EDA: variants seen among roughly 807,000 people sequenced by gnomAD.
The protein encoded by EDA is ectodysplasin-A.
EDA carries 2 observed loss-of-function variants against 23.6 expected under a neutral mutation model. That is an observed-to-expected ratio of 0.08 (90% CI 0.03 to 0.27). The LOEUF (loss-of-function observed/expected upper bound fraction) is 0.27, where lower values mean the gene tolerates loss of function less well. Ranked by LOEUF, EDA falls within the 10% of genes least tolerant of loss-of-function variation. The pLI is 1.00. For missense variants in EDA, 229 were observed against 324.2 expected (o/e 0.71, Z 2.26); for synonymous variants, 131 against 132.0 (o/e 0.99, Z 0.05).
At chrX:69,869,884 G>C (rs1204617988) in intron 1 of EDA, among the ~76,000 whole-genome samples, 1 of 112,135 alleles carries the variant, frequency 8.9e-6, no homozygotes, top group Non-Finnish European at 1.9e-5. Context: ...CCCACCATTA[G>C]ATCTGACATA....
chrX:69,908,611 G>A (rs1422231164), intron 1 of EDA, among the ~76,000 whole-genome samples: 2 of 110,001 alleles, frequency 1.8e-5, no homozygotes, highest in Non-Finnish European at 3.8e-5. Context: ...GCATCTGGAG[G>A]AAGGTTTTAC....
chrX:69,919,426 G>T (rs192333532), intron 1 of EDA, among the ~76,000 whole-genome samples: 1 of 112,235 alleles, frequency 8.9e-6, no homozygotes, highest in Non-Finnish European at 1.9e-5. Flanking sequence ...TATAACATTA[G>T]TCTCATCCAG....
At chrX:69,712,971 C>A (rs193144337) in intron 1 of EDA, among the ~76,000 whole-genome samples, 46 of 105,603 alleles carry the variant, frequency 4.4e-4, no homozygotes, top group African/African-American at 1.3e-3. Flanking sequence ...GACAAAAAAA[C>A]CAAACAGTGC....
At chrX:69,620,251 T>C (rs1028493989) in intron 1 of EDA, among the ~76,000 whole-genome samples, 1 of 112,458 alleles carries the variant, frequency 8.9e-6, no homozygotes, top group Non-Finnish European at 1.9e-5. Flanking sequence ...ATAAAGGTAG[T>C]ATCTTATTCA....
At chrX:69,685,393 A>C (rs1356475249) in intron 1 of EDA, among the ~76,000 whole-genome samples, 2 of 111,590 alleles carry the variant, frequency 1.8e-5, no homozygotes, top group African/African-American at 3.2e-5. Flanking sequence ...TTTGTATTTT[A>C]TTTTATTAGC....
At chrX:69,917,306 T>C (rs961327425) in intron 1 of EDA, among the ~76,000 whole-genome samples, 1 of 111,751 alleles carries the variant, frequency 8.9e-6, no homozygotes, top group South Asian at 3.8e-4. Flanking sequence ...ATAAATATCA[T>C]CCATTGGTTT....
At chrX:69,793,740 A>G (rs1187590078) in intron 1 of EDA, among the ~76,000 whole-genome samples, 1 of 110,110 alleles carries the variant, frequency 9.1e-6, no homozygotes, top group Non-Finnish European at 1.9e-5. Flanking sequence ...AAAACTACCT[A>G]TAAGCTGAAG....
intron 1 of EDA, among the ~76,000 whole-genome samples, chrX:69,740,137 A>G (rs1197956388): frequency 1.8e-5 from 2 of 111,194 alleles, no homozygotes; most frequent in Non-Finnish European, 3.8e-5. Context: ...TCAATTATAT[A>G]CCTATTGTTT....
intron 1 of EDA, among the ~76,000 whole-genome samples, chrX:69,902,515 A>G (rs2018113072): frequency 9.0e-6 from 1 of 111,481 alleles, no homozygotes; most frequent in African/African-American, 3.3e-5. Context: ...AACAGTCTGT[A>G]ATGAAACAAC....
intron 1 of EDA, among the ~76,000 whole-genome samples, chrX:69,741,462 G>A (rs1051199857): frequency 8.9e-6 from 1 of 111,785 alleles, no homozygotes; most frequent in Non-Finnish European, 1.9e-5. Context: ...GAAGGCACAA[G>A]GTTTCTTATG....
At position 69,966,963 on chromosome X, in the gene EDA, G is replaced by GGT. The variant is rs1556041073; in HGVS notation, c.502+9842_502+9843dup. On this transcript the variant is annotated intron_variant, in intron 2 of 7. Transcript: ENST00000374552. The stretch of plus-strand genomic sequence containing the variant: ...TATAAAATATTTTATAAATATTATA[G>GGT]GTGTGTGTGTGTATATATATATATA... 1.9e-4 allele frequency among the ~76,000 whole-genome samples: 20 copies of GGT among 107,728 alleles called. No individual in the cohort carries two copies. The South Asian group carries it at 2.4e-3, about 13-fold the overall frequency. The allele number at this position is 107,728 out of a possible 115,157, so 93.5% of individuals were successfully genotyped here. A position where few individuals can be genotyped will look rare whatever the true frequency, so the allele number is the denominator to read the frequency against.
intron 2 of EDA, among the ~76,000 whole-genome samples, chrX:69,974,799 G>A (rs2225120): frequency 0.09 from 10,038 of 110,956 alleles, 854 homozygotes; most frequent in East Asian, 0.61. Flanking sequence ...TTTAAAAATG[G>A]GCAAAAGATA....
intron 1 of EDA, among the ~76,000 whole-genome samples, chrX:69,677,575 G>T (rs1934147691): frequency 9.0e-6 from 1 of 111,548 alleles, no homozygotes; most frequent in Non-Finnish European, 1.9e-5. Flanking sequence ...TTCTCTGATG[G>T]CCAGTGATGG....
chrX:69,657,803 C>T (rs1255324314), intron 1 of EDA, among the ~76,000 whole-genome samples: 1 of 111,501 alleles, frequency 9.0e-6, no homozygotes, highest in Non-Finnish European at 1.9e-5. Context: ...AGCTTCATTT[C>T]AGGGGTCTCT....
At chrX:69,681,793 T>C (rs1433598547) in intron 1 of EDA, among the ~76,000 whole-genome samples, 2 of 111,703 alleles carry the variant, frequency 1.8e-5, no homozygotes, top group East Asian at 5.7e-4. Flanking sequence ...CGGAGTAATT[T>C]GATCGTCTGA....
intron 1 of EDA, among the ~76,000 whole-genome samples, chrX:69,665,237 A>C (rs964155458): frequency 8.9e-6 from 1 of 111,974 alleles, no homozygotes; most frequent in African/African-American, 3.2e-5. Context: ...ATGATTTGCA[A>C]ATATTTTCTC....
At chrX:69,998,529 G>C (rs1258782338) in intron 2 of EDA, among the ~76,000 whole-genome samples, 2 of 112,313 alleles carry the variant, frequency 1.8e-5, no homozygotes, top group East Asian at 5.6e-4. Context: ...ATGCTGAAAT[G>C]AGTTAAGACT....
At chrX:69,872,490 A>G (rs554458718) in intron 1 of EDA, among the ~76,000 whole-genome samples, 3 of 111,898 alleles carry the variant, frequency 2.7e-5, no homozygotes, top group African/African-American at 6.5e-5. Flanking sequence ...CCAAGTTTCT[A>G]CTGTCTTCAG....
At chrX:69,824,201 G>A (rs1256164692) in intron 1 of EDA, among the ~76,000 whole-genome samples, 1 of 110,165 alleles carries the variant, frequency 9.1e-6, no homozygotes, top group African/African-American at 3.3e-5. Flanking sequence ...GGTTCCATAT[G>A]AACTTTAAAG....
Sources: allele counts gnomAD v4.1 joint callset (sites outside exome capture counted in the v4.1 genomes callset), GRCh38; gene constraint gnomAD v4.1.1; transcripts MANE v1.5; gene names NCBI Gene and HGNC (gene_info 2026-07-23, HGNC 2026-07-21).